FGFR1: variants seen among roughly 807,000 people sequenced by gnomAD.
FGFR1 encodes the protein fibroblast growth factor receptor 1.
A neutral mutation model predicts 93.7 loss-of-function variants in FGFR1; 18 were observed. That is an observed-to-expected ratio of 0.19 (90% CI 0.13 to 0.28). The LOEUF (loss-of-function observed/expected upper bound fraction) is 0.28. Among genes scored for constraint, FGFR1 ranks in the 10% least tolerant of loss-of-function variants. The pLI, the probability that FGFR1 is intolerant of heterozygous loss-of-function variation, is 1.00. For missense variants in FGFR1, 731 were observed against 1,080.4 expected (o/e 0.68, Z 4.53); for synonymous variants, 448 against 429.3 (o/e 1.04, Z -0.54).
chr8:38,455,512 C>A (rs1421281487), intron 2 of FGFR1, among the ~76,000 whole-genome samples: 1 of 152,014 alleles, frequency 6.6e-6, no homozygotes. Flanking sequence ...AGGATGGTCT[C>A]GAACTCCTGA....
chr8:38,458,865 G>A (rs1380503592), intron 1 of FGFR1: 1 of 221,054 alleles, frequency 4.5e-6, no homozygotes, highest in East Asian at 6.6e-5. Context: ...TAAGAGTGTG[G>A]AGCCAGGAGG....
At position 38,427,942 on chromosome 8, in the gene FGFR1, G is replaced by A. The variant is rs17175898; in HGVS notation, c.600C>T (p.Asp200=). 16,900 of 1,614,246 alleles carry A rather than the reference G, an allele frequency of 0.01. 124 individuals are homozygous for A. The highest frequency in any genetic ancestry group is 0.012 in the Non-Finnish European group (14,593 of 1,180,046). The change falls in exon 5 of 18, where the codon GAC becomes GAT. Residue 200 remains aspartate (D), a synonymous_variant. Transcript: ENST00000447712. ...GTACCTTGTAGCCTCCAATTCTGTG[G>A]TCAGGTTTGAATTCTTTGCCATTTT... The part of the protein sequence containing the change: ...WLKNGKEFKP[D]HRIGGYKVRY...
Position 38,412,746 on chromosome 8 carries a change from T to A in FGFR1, c.*882A>T, listed in dbSNP as rs1252436624. On this transcript the variant is annotated 3_prime_UTR_variant, in exon 18 of 18. Transcript: ENST00000447712. Reference sequence around the variant, plus strand: ...ATAGATAAATGAAGCAGCAGCAATTTTTATTGAGGGACCTAAACTGAAAAT... The same window carrying A: ...ATAGATAAATGAAGCAGCAGCAATTATTATTGAGGGACCTAAACTGAAAAT... The A allele has an allele frequency of 8.6e-6, 2 of 233,560 alleles. No homozygotes were observed. Among genetic ancestry groups the A allele is most frequent in the East Asian group, 1.2e-4 (2 of 16,600 alleles). 14.5% of individuals were successfully genotyped at this position (233,560 alleles called of 1,614,324 possible).
At chr8:38,444,810 G>C (rs2151171548) in intron 2 of FGFR1, among the ~76,000 whole-genome samples, 1 of 152,244 alleles carries the variant, frequency 6.6e-6, no homozygotes, top group Admixed American at 6.5e-5. Context: ...TGGGAAAAGA[G>C]CCCTTACTCT....
At chr8:38,425,501 T>C (rs1379969008) in intron 6 of FGFR1, among the ~76,000 whole-genome samples, 1 of 152,016 alleles carries the variant, frequency 6.6e-6, no homozygotes, top group Non-Finnish European at 1.5e-5. Context: ...TTAGACCATA[T>C]CATCATAATC....
intron 1 of FGFR1, among the ~76,000 whole-genome samples, chr8:38,464,240 G>A (rs945729667): frequency 4.1e-5 from 6 of 147,748 alleles, no homozygotes; most frequent in Non-Finnish European, 7.4e-5. Context: ...CGCTTCAACC[G>A]GAAGGCGGAG....
Position 38,429,509 on chromosome 8 carries a change from T to A in FGFR1, c.358+173A>T, listed in dbSNP as rs1350501209. Reference sequence around the variant, plus strand: ...GGGGCCCACCCCACCTAGTCACCTCTCTGAGAGCCAAGCCACGCGGCAGGC... The same window carrying A: ...GGGGCCCACCCCACCTAGTCACCTCACTGAGAGCCAAGCCACGCGGCAGGC... On this transcript the variant is annotated intron_variant, in intron 3 of 17. Transcript: ENST00000447712. The surrounding 1 kb of genome is among the most constrained non-coding windows in gnomAD (Gnocchi z 4.4). 1 of 806,596 alleles carries A rather than the reference T, an allele frequency of 1.2e-6. No individual in the cohort carries two copies. The highest frequency in any genetic ancestry group is 2.0e-6 in the Non-Finnish European group (1 of 489,338). The allele number at this position is 806,596 out of a possible 1,614,324, so 50.0% of individuals were successfully genotyped here.
In FGFR1 at chr8:38,414,017, C is replaced by G. The variant is rs2150523849; in HGVS notation, c.2193G>C (p.Met731Ile). ...KPSNCTNELY[M>I]MMRDCWHAVP... The stretch of plus-strand genomic sequence containing the variant: ...CTGCATGCCAGCAGTCCCGCATCAT[C>G]ATGTACCTGCGGCAGGACTGTAAGG... Residue 731 changes from methionine to isoleucine, a missense_variant, in exon 17 of 18, where the codon ATG (methionine) becomes ATC (isoleucine). Met to Ile is a conservative substitution (Grantham distance 10). Transcript: ENST00000447712. The G allele has an allele frequency of 6.2e-7, 1 of 1,614,052 alleles. No individual in the cohort carries two copies. Among genetic ancestry groups the G allele is most frequent in the East Asian group, 2.2e-5 (1 of 44,870 alleles).
In FGFR1 at chr8:38,448,343, G is replaced by C. The variant is rs544405082; in HGVS notation, c.91+9013C>G. 7.2e-4 allele frequency among the ~76,000 whole-genome samples: 107 copies of C among 149,508 alleles called. 1 individual carries two copies. Among genetic ancestry groups the C allele is most frequent in the Middle Eastern group, 3.4e-3 (1 of 294 alleles). ...TGCCCAGGCTGAAGTGAAGTGGTGCGATCTCGGCTCACTGCAACTTCCGCC... is the reference window on the plus strand; with the variant it reads ...TGCCCAGGCTGAAGTGAAGTGGTGCCATCTCGGCTCACTGCAACTTCCGCC... On this transcript the variant is annotated intron_variant, in intron 2 of 17. Transcript: ENST00000447712.
chr8:38,447,042 C>CTG, intron 2 of FGFR1, among the ~76,000 whole-genome samples: 1 of 151,006 alleles, frequency 6.6e-6, no homozygotes, highest in Non-Finnish European at 1.5e-5. Flanking sequence ...GTTCACAGAC[C>CTG]TGTGACTGAT....
chr8:38,452,216 C>G (rs535393227), intron 2 of FGFR1, among the ~76,000 whole-genome samples: 164 of 144,312 alleles, frequency 1.1e-3, no homozygotes, highest in South Asian at 0.01. Flanking sequence ...CACACACACA[C>G]ACACACACAC....
chr8:38,465,985 A>G (rs1409602570), intron 1 of FGFR1: 1 of 229,422 alleles, frequency 4.4e-6, no homozygotes, highest in East Asian at 6.1e-5. Context: ...TTTCAATTTG[A>G]AAGAGGCTGG....
chr8:38,423,929 C>T (rs1819752211), intron 7 of FGFR1: 1 of 177,402 alleles, frequency 5.6e-6, no homozygotes, highest in African/African-American at 2.4e-5. Context: ...GTTGCGAGAT[C>T]CACTGGAGAT....
intron 2 of FGFR1, among the ~76,000 whole-genome samples, chr8:38,433,962 T>C (rs1010682519): frequency 6.6e-6 from 1 of 152,202 alleles, no homozygotes; most frequent in Non-Finnish European, 1.5e-5. Flanking sequence ...ACTAATCTGC[T>C]TTCTGTCTAT....
intron 2 of FGFR1, among the ~76,000 whole-genome samples, chr8:38,437,908 C>T (rs1008723047): frequency 2.6e-5 from 4 of 152,210 alleles, no homozygotes; most frequent in Admixed American, 1.3e-4. Flanking sequence ...AGTTATCCAT[C>T]CCCAAACCCC....
chr8:38,433,167 G>A (rs1015975601), intron 2 of FGFR1, among the ~76,000 whole-genome samples: 3 of 152,042 alleles, frequency 2.0e-5, no homozygotes, highest in South Asian at 2.1e-4. Context: ...GTGAGACCTC[G>A]TCTCTACAAA....
intron 2 of FGFR1, among the ~76,000 whole-genome samples, chr8:38,454,765 T>C (rs527610121): frequency 3.3e-5 from 5 of 152,304 alleles, no homozygotes; most frequent in African/African-American, 9.6e-5. Flanking sequence ...AACTGTGACG[T>C]ATGGTGTTTG....
rs867439905 is a variant in FGFR1, at chr8:38,430,252, C to T, written c.92-304G>A. 2 of 394,538 alleles carry T rather than the reference C, an allele frequency of 5.1e-6. 1 individual carries two copies. The highest frequency in any genetic ancestry group is 9.1e-5 in the South Asian group (2 of 22,074). The allele number at this position is 394,538 out of a possible 1,614,324, so 24.4% of individuals were successfully genotyped here. ...ATTAAGCGCATTTCATTTCCCCCAT[C>T]CTAAGGGGAAAGGTCGGCCCTCCCC... On this transcript the variant is annotated intron_variant, in intron 2 of 17. Coordinates refer to ENST00000447712, the MANE Select transcript of FGFR1 (RefSeq NM_023110.3).
chr8:38,426,292 G>A lies in FGFR1; in HGVS notation c.622-47C>T, dbSNP rs2150869114. 6.2e-7 allele frequency: 1 copy of A among 1,612,350 alleles called. No individual in the cohort carries two copies. Among genetic ancestry groups the A allele is most frequent in the South Asian group, 1.1e-5 (1 of 91,006 alleles). Reference sequence around the variant, plus strand: ...ATACATTGAGGGTCCAGAGGAAAATGCAGGCCCCATGACAATGTCGGCACC... The same window carrying A: ...ATACATTGAGGGTCCAGAGGAAAATACAGGCCCCATGACAATGTCGGCACC... On this transcript the variant is annotated intron_variant, in intron 5 of 17. Transcript: ENST00000447712. This position sits in a 1 kb window ranked among gnomAD's most constrained non-coding sequence, Gnocchi z 4.1.
Sources: allele counts gnomAD v4.1 joint callset (sites outside exome capture counted in the v4.1 genomes callset), GRCh38; gene constraint gnomAD v4.1.1; non-coding constraint Gnocchi (gnomAD v3.1); transcripts MANE v1.5; gene names NCBI Gene and HGNC (gene_info 2026-07-23, HGNC 2026-07-21).